Variants in ME2 observed in about 807,000 individuals in gnomAD.
The protein encoded by ME2 is NAD-dependent malic enzyme, mitochondrial.
Under a neutral mutation model 73.7 loss-of-function variants are expected in ME2, and 60 were observed. That is an observed-to-expected ratio of 0.81 (90% confidence interval 0.66 to 1.01). The LOEUF (loss-of-function observed/expected upper bound fraction) is 1.01. Among genes scored for constraint, ME2 ranks in the 50% least tolerant of loss-of-function variants. The pLI, the probability that ME2 is intolerant of heterozygous loss-of-function variation, is 0.00. For synonymous variants in ME2, 199 were observed against 236.9 expected (o/e 0.84, Z 1.47); for missense variants, 594 against 705.5 (o/e 0.84, Z 1.79).
intron 2 of ME2, among the ~76,000 whole-genome samples, chr18:50,896,301 T>C (rs934117503): frequency 2.0e-5 from 3 of 152,218 alleles, no homozygotes; most frequent in Non-Finnish European, 4.4e-5. Flanking sequence ...CCTTGGAAAG[T>C]AGGGTCAAAA....
rs952778254 is a variant in ME2 at position 50,948,119 on chromosome 18, T to C, written c.*935T>C. Reference sequence around the variant, plus strand: ...TTCCAGAACTGATGCTCTTTATTGCTTGAGATAATTTTGGAATGTTACTAT... The same window carrying C: ...TTCCAGAACTGATGCTCTTTATTGCCTGAGATAATTTTGGAATGTTACTAT... On this transcript the variant is annotated 3_prime_UTR_variant, in exon 16 of 16. Transcript: ENST00000321341. 2.0e-5 allele frequency: 3 copies of C among 152,206 alleles called. No homozygotes were observed. Among genetic ancestry groups the C allele is most frequent in the African/African-American group, 7.2e-5 (3 of 41,448 alleles). The allele number at this position is 152,206 out of a possible 1,614,324, so 9.4% of individuals were successfully genotyped here.
chr18:50,949,285 T>C lies in ME2; in HGVS notation c.*2101T>C, dbSNP rs1235934590. 1 of 152,262 alleles carries C rather than the reference T, an allele frequency of 6.6e-6. No homozygotes were observed. The highest frequency in any genetic ancestry group is 1.9e-4 in the East Asian group (1 of 5,202). The allele number at this position is 152,262 out of a possible 1,614,324, so 9.4% of individuals were successfully genotyped here. A position where few individuals can be genotyped will look rare whatever the true frequency, so the allele number is the denominator to read the frequency against. ...TCTTTTTCATAACATACGGTCACAA[T>C]TCCTTTCTTTTAATTAAAGACAAAA... is the stretch of plus-strand genomic sequence containing the variant. On this transcript the variant is annotated 3_prime_UTR_variant, in exon 16 of 16. Coordinates refer to ENST00000321341, the MANE Select transcript of ME2 (RefSeq NM_002396.5).
intron 1 of ME2, among the ~76,000 whole-genome samples, chr18:50,894,576 A>C (rs1445819869): frequency 8.1e-5 from 12 of 148,990 alleles, no homozygotes; most frequent in Non-Finnish European, 1.5e-4. Context: ...TCAAAAAAAA[A>C]AATCCCTATT....
intron 10 of ME2, among the ~76,000 whole-genome samples, chr18:50,921,577 T>C (rs2144239682): frequency 6.6e-6 from 1 of 152,298 alleles, no homozygotes; most frequent in South Asian, 2.1e-4. Flanking sequence ...TTTAATTTTA[T>C]TATTATTTAT....
intron 13 of ME2, chr18:50,933,555 A>T (rs574421078): frequency 6.6e-6 from 1 of 152,292 alleles, no homozygotes; most frequent in African/African-American, 2.4e-5. Context: ...CTAGAACTTG[A>T]TAATGTTCAA....
intron 15 of ME2, among the ~76,000 whole-genome samples, chr18:50,943,561 C>T (rs1918013175): frequency 6.6e-6 from 1 of 152,042 alleles, no homozygotes; most frequent in South Asian, 2.1e-4. Flanking sequence ...ACCTTGGCCT[C>T]CCAAAGTGCT....
chr18:50,946,973 G>A, intron 15 of ME2, 44 bp from the exon 16 acceptor site: 1 of 1,409,596 alleles, frequency 7.1e-7, no homozygotes. Context: ...CTCTCTAATA[G>A]GTTAATACTC....
At chr18:50,911,956 G>C (rs897425457) in intron 3 of ME2, among the ~76,000 whole-genome samples, 23 of 152,186 alleles carry the variant, frequency 1.5e-4, no homozygotes, top group African/African-American at 5.5e-4. Context: ...GCTGAGAAAT[G>C]ATGGTAGCTT....
At chr18:50,944,751 G>C (rs941454240) in intron 15 of ME2, among the ~76,000 whole-genome samples, 7 of 152,052 alleles carry the variant, frequency 4.6e-5, no homozygotes, top group African/African-American at 1.7e-4. Context: ...ATGCATGGTG[G>C]CCACTGCCTC....
chr18:50,913,107 C>T, intron 4 of ME2, 157 bp downstream of exon 4: 3 of 517,076 alleles, frequency 5.8e-6, no homozygotes, highest in Middle Eastern at 5.1e-4. Flanking sequence ...AACAAAATCC[C>T]AACATATTCA....
intron 15 of ME2, among the ~76,000 whole-genome samples, chr18:50,940,851 C>T (rs1275130448): frequency 6.6e-6 from 1 of 152,118 alleles, no homozygotes; most frequent in East Asian, 1.9e-4. Flanking sequence ...AATAATAATT[C>T]TCATGTATGT....
intron 2 of ME2, among the ~76,000 whole-genome samples, chr18:50,905,908 A>G (rs1259371089): frequency 3.9e-5 from 6 of 152,198 alleles, no homozygotes; most frequent in Non-Finnish European, 1.5e-5. Context: ...ATCATAACCT[A>G]AACCAGCCTT....
chr18:50,943,368 C>G (rs1241698722), intron 15 of ME2, among the ~76,000 whole-genome samples: 1 of 151,870 alleles, frequency 6.6e-6, no homozygotes, highest in Non-Finnish European at 1.5e-5. Context: ...GACGTGATCT[C>G]AGCTCACTGC....
At chr18:50,906,429 C>T (rs1396188537) in intron 2 of ME2, among the ~76,000 whole-genome samples, 1 of 152,182 alleles carries the variant, frequency 6.6e-6, no homozygotes, top group East Asian at 1.9e-4. Flanking sequence ...TCTCCTGTCT[C>T]AGCCCCCCGA....
intron 2 of ME2, among the ~76,000 whole-genome samples, chr18:50,907,194 A>G (rs1312938060): frequency 4.6e-5 from 7 of 152,116 alleles, no homozygotes; most frequent in African/African-American, 1.7e-4. Context: ...CAGGTCAAAT[A>G]ATGACATTTT....
chr18:50,932,554 T>G, intron 13 of ME2, 194 bp downstream of exon 13: 1 of 427,542 alleles, frequency 2.3e-6, no homozygotes, highest in South Asian at 4.9e-5. Context: ...TATTGTTAAT[T>G]AAATTTGTTT....
chr18:50,926,160 T>A (rs962721243), intron 12 of ME2, among the ~76,000 whole-genome samples: 2 of 152,204 alleles, frequency 1.3e-5, no homozygotes, highest in African/African-American at 4.8e-5. Context: ...AATACATTAT[T>A]GTTATATTTT....
chr18:50,929,244 C>A (rs1420560999), intron 12 of ME2, among the ~76,000 whole-genome samples: 1 of 151,026 alleles, frequency 6.6e-6, no homozygotes, highest in Non-Finnish European at 1.5e-5. Context: ...TTTGGAATGC[C>A]AAGGTGGGCA....
chr18:50,939,928 A>G, intron 14 of ME2: 1 of 425,806 alleles, frequency 2.3e-6, no homozygotes, highest in Non-Finnish European at 4.2e-6. Flanking sequence ...CATGTTTTTA[A>G]TGGACAAGTA....
Sources: allele counts gnomAD v4.1 joint callset (sites outside exome capture counted in the v4.1 genomes callset), GRCh38; gene constraint gnomAD v4.1.1; transcripts MANE v1.5; gene names NCBI Gene and HGNC (gene_info 2026-07-23, HGNC 2026-07-21).